LRRC28: variants seen among roughly 807,000 people sequenced by gnomAD.
LRRC28 encodes the protein leucine rich repeat containing 28, also known as leucine-rich repeat-containing protein 28.
In LRRC28, 39 loss-of-function variants were observed where a neutral mutation model predicts 45.7. The ratio of observed to expected loss-of-function variants is 0.85; its 90% CI spans 0.66 to 1.12. LRRC28 has a LOEUF of 1.12. Ranked by LOEUF, LRRC28 falls within the 50% of genes most tolerant of loss-of-function variation. LRRC28 has a pLI of 0.00. For synonymous variants in LRRC28, 206 were observed against 178.8 expected (o/e 1.15, Z -1.22); for missense variants, 435 against 438.5 (o/e 0.99, Z 0.07).
chr15:99,337,928 T>A (rs1459384161), intron 6 of LRRC28: 3 of 152,262 alleles, frequency 2.0e-5, no homozygotes, highest in African/African-American at 7.2e-5. Context: ...GCAGGCTACC[T>A]GAAGCAATGC....
chr15:99,281,728 G>A (rs1175908512), intron 3 of LRRC28, among the ~76,000 whole-genome samples: 1 of 152,132 alleles, frequency 6.6e-6, no homozygotes, highest in East Asian at 1.9e-4. Context: ...GCTATTTGCA[G>A]TTTACTTTGA....
intron 5 of LRRC28, among the ~76,000 whole-genome samples, chr15:99,318,741 A>G (rs944468117): frequency 6.6e-6 from 1 of 152,092 alleles, no homozygotes; most frequent in African/African-American, 2.4e-5. Context: ...AAGGCTATAT[A>G]TTAATATTTA....
rs542600796 is a variant in LRRC28 at position 99,360,123 on chromosome 15, C to T, written c.696-1213C>T. 9.2e-5 allele frequency among the ~76,000 whole-genome samples: 14 copies of T among 152,302 alleles called. No individual in the cohort carries two copies. In the South Asian group the frequency reaches 2.9e-3, roughly 32 times the overall value. On this transcript the variant is annotated intron_variant, in intron 7 of 9. Coordinates refer to ENST00000301981, the MANE Select transcript of LRRC28 (RefSeq NM_144598.5). ...CCCGTGAATTAAAACCATCTAACTT[C>T]AGCTAATATTCCTGGCCTCCTTCCC...
At chr15:99,273,469 C>T (rs28483588) in intron 2 of LRRC28, among the ~76,000 whole-genome samples, 15,802 of 152,114 alleles carry the variant, frequency 0.1, 1,131 homozygotes, top group African/African-American at 0.2. Context: ...GATCTGCTGA[C>T]CTCGTGATCT....
chr15:99,317,165 G>T (rs954243627), intron 5 of LRRC28, among the ~76,000 whole-genome samples: 2 of 152,086 alleles, frequency 1.3e-5, no homozygotes, highest in African/African-American at 4.8e-5. Context: ...CTTGAGCAGG[G>T]TCCAAAATAA....
intron 2 of LRRC28, among the ~76,000 whole-genome samples, chr15:99,275,132 A>T (rs139957046): frequency 1.5e-4 from 23 of 152,336 alleles, no homozygotes; most frequent in African/African-American, 5.3e-4. Context: ...ATGTATATAT[A>T]TGCCTATATA....
intron 5 of LRRC28, among the ~76,000 whole-genome samples, chr15:99,313,261 A>G (rs1955478688): frequency 6.6e-6 from 1 of 152,158 alleles, no homozygotes; most frequent in South Asian, 2.1e-4. Context: ...TGCACTTACC[A>G]AAAGAGGCCC....
At position 99,388,745 on chromosome 15, in the gene LRRC28, A is replaced by G. The variant is rs1392871214; in HGVS notation, c.*2643A>G. 1 of 152,240 alleles carries G rather than the reference A, an allele frequency of 6.6e-6. No homozygotes were observed. The highest frequency in any genetic ancestry group is 2.4e-5 in the African/African-American group (1 of 41,458). 9.4% of individuals were successfully genotyped at this position (152,240 alleles called of 1,614,324 possible). On this transcript the variant is annotated 3_prime_UTR_variant, in exon 10 of 10. Coordinates refer to ENST00000301981, the MANE Select transcript of LRRC28 (RefSeq NM_144598.5). ...TTACACTAGGTAGAAAAGTATTCAC[A>G]CAATAATAGTAATGCAAAAAAAGTG...
intron 5 of LRRC28, among the ~76,000 whole-genome samples, chr15:99,302,241 A>T (rs1955004329): frequency 6.6e-6 from 1 of 151,900 alleles, no homozygotes; most frequent in Admixed American, 6.6e-5. Flanking sequence ...GTTAGCCAGG[A>T]TGGTCTCGAT....
intron 6 of LRRC28, among the ~76,000 whole-genome samples, chr15:99,350,568 A>G (rs117464976): frequency 0.017 from 2,586 of 152,296 alleles, 30 homozygotes; most frequent in Non-Finnish European, 0.027. Flanking sequence ...TGCTGTATTC[A>G]TAGCTACATT....
chr15:99,345,442 A>G (rs780539316), intron 6 of LRRC28, among the ~76,000 whole-genome samples: 23 of 152,152 alleles, frequency 1.5e-4, no homozygotes, highest in Non-Finnish European at 3.1e-4. Flanking sequence ...GCACCTTTTC[A>G]TCTACCTGTT....
At chr15:99,336,533 C>G (rs777243944) in intron 6 of LRRC28, among the ~76,000 whole-genome samples, 2 of 152,172 alleles carry the variant, frequency 1.3e-5, no homozygotes, top group Non-Finnish European at 2.9e-5. Context: ...CCATTTTGGG[C>G]TCAAGATACT....
At chr15:99,283,642 C>A (rs147304262) in intron 3 of LRRC28, among the ~76,000 whole-genome samples, 1 of 144,018 alleles carries the variant, frequency 6.9e-6, no homozygotes, top group African/African-American at 2.6e-5. Flanking sequence ...AAAAGGAATT[C>A]CATGGTACAT....
chr15:99,271,460 G>A (rs1446557942), intron 2 of LRRC28, among the ~76,000 whole-genome samples: 2 of 151,842 alleles, frequency 1.3e-5, no homozygotes, highest in African/African-American at 4.8e-5. Context: ...TATATTTTTA[G>A]TAGACATGGG....
intron 6 of LRRC28, among the ~76,000 whole-genome samples, chr15:99,346,007 G>A (rs945720838): frequency 6.6e-6 from 1 of 151,822 alleles, no homozygotes; most frequent in African/African-American, 2.4e-5. Flanking sequence ...TTTTTAGCAG[G>A]GTCTCGCTCT....
At chr15:99,287,329 A>G (rs778114034) in intron 4 of LRRC28, 35 bp downstream of exon 4, 20 of 1,442,344 alleles carry the variant, frequency 1.4e-5, no homozygotes, top group African/African-American at 2.9e-5. Flanking sequence ...TTAGAAGATA[A>G]TATAATTTAA....
chr15:99,287,728 A>C (rs1038484321), intron 4 of LRRC28, 86 bp from the exon 5 acceptor site: 22 of 1,422,358 alleles, frequency 1.5e-5, no homozygotes, highest in Non-Finnish European at 2.0e-5. Context: ...TAAGTAGTAA[A>C]ATATTTTAAC....
intron 2 of LRRC28, among the ~76,000 whole-genome samples, chr15:99,261,715 T>C (rs2081203401): frequency 6.6e-6 from 1 of 152,084 alleles, no homozygotes; most frequent in African/African-American, 2.4e-5. Context: ...TGGAGTGCAA[T>C]GGCTCTGTCT....
intron 6 of LRRC28, 95 bp from the exon 7 acceptor site, chr15:99,352,274 C>A: frequency 1.2e-6 from 1 of 839,632 alleles, no homozygotes; most frequent in Admixed American, 2.4e-5. Flanking sequence ...GAGTAGAAAT[C>A]TTCGAATATT....
Sources: gnomAD v4.1 joint callset for allele counts (sites outside exome capture counted in the v4.1 genomes callset) on GRCh38, gnomAD v4.1.1 for gene constraint, MANE v1.5 for transcripts, NCBI Gene and HGNC (gene_info 2026-07-23, HGNC 2026-07-21) for gene names.